Variants in ZBTB8B observed in about 807,000 individuals in gnomAD.
ZBTB8B encodes the protein zinc finger and BTB domain-containing protein 8B.
A neutral mutation model predicts 30.3 loss-of-function variants in ZBTB8B; 17 were observed. The observed-to-expected ratio is 0.56, with a 90% CI of 0.38 to 0.84. ZBTB8B has a LOEUF of 0.84. Ranked by LOEUF, ZBTB8B falls within the 40% of genes least tolerant of loss-of-function variation. ZBTB8B has a pLI of 0.00. For synonymous variants in ZBTB8B, 248 were observed against 255.6 expected (o/e 0.97, Z 0.28); for missense variants, 515 against 644.9 (o/e 0.80, Z 2.18).
At chr1:32,481,761 C>T (rs1275294035) in intron 3 of ZBTB8B, among the ~76,000 whole-genome samples, 1 of 152,142 alleles carries the variant, frequency 6.6e-6, no homozygotes, top group East Asian at 1.9e-4. Flanking sequence ...CCTCTCCCAC[C>T]TCCCACCCTC....
chr1:32,495,564 C>G lies in ZBTB8B; in HGVS notation c.*10146C>G, dbSNP rs1013700743. ...AAGTTTAGAATAGGAGTGGCCTCAA[C>G]AAAGGAAAAAGTCCTTTGTTCCTCT... On this transcript the variant is annotated 3_prime_UTR_variant, in exon 4 of 4. Coordinates refer to ENST00000609129, the MANE Select transcript of ZBTB8B (RefSeq NM_001145720.2). 1 of 151,250 alleles carries G rather than the reference C, an allele frequency of 6.6e-6. No homozygotes were observed. The highest frequency in any genetic ancestry group is 2.5e-5 in the African/African-American group (1 of 40,618). 9.4% of individuals were successfully genotyped at this position (151,250 alleles called of 1,614,324 possible).
At chr1:32,483,954 C>G (rs1267753702) in intron 3 of ZBTB8B, among the ~76,000 whole-genome samples, 1 of 151,932 alleles carries the variant, frequency 6.6e-6, no homozygotes, top group East Asian at 1.9e-4. Flanking sequence ...CTTGAAATCT[C>G]AACACCTTAC....
rs1643773110 is a variant in ZBTB8B, at chr1:32,490,653, A to C, written c.*5235A>C. 2 of 152,070 alleles carry C rather than the reference A, an allele frequency of 1.3e-5. No individual in the cohort carries two copies. Among genetic ancestry groups the C allele is most frequent in the African/African-American group, 4.8e-5 (2 of 41,380 alleles). 9.4% of individuals were successfully genotyped at this position (152,070 alleles called of 1,614,324 possible). ...TGCCCAGGCTGGAGTGCAGTGGCAC[A>C]ATCTCGGCTCACTGCAAGCTCCGCC... On this transcript the variant is annotated 3_prime_UTR_variant, in exon 4 of 4. Coordinates refer to ENST00000609129, the MANE Select transcript of ZBTB8B (RefSeq NM_001145720.2).
chr1:32,468,590 A>G (rs1446331119), intron 1 of ZBTB8B, among the ~76,000 whole-genome samples: 1 of 152,194 alleles, frequency 6.6e-6, no homozygotes, highest in Non-Finnish European at 1.5e-5. Flanking sequence ...TGGGGAATGC[A>G]TGCTGGCTAG....
chr1:32,468,620 C>T (rs1031158747), intron 1 of ZBTB8B, among the ~76,000 whole-genome samples: 1 of 152,096 alleles, frequency 6.6e-6, no homozygotes, highest in African/African-American at 2.4e-5. Context: ...CCACCAAATA[C>T]TTCAGTATAA....
chr1:32,469,618 G>A (rs1041987904), intron 1 of ZBTB8B, among the ~76,000 whole-genome samples: 2 of 152,140 alleles, frequency 1.3e-5, no homozygotes, highest in African/African-American at 4.8e-5. Flanking sequence ...GTAGAATGTA[G>A]TACATTAGAG....
intron 3 of ZBTB8B, among the ~76,000 whole-genome samples, chr1:32,483,926 C>T (rs1643725846): frequency 6.6e-6 from 1 of 151,572 alleles, no homozygotes; most frequent in South Asian, 2.1e-4. Context: ...AAATCCTGGC[C>T]AACTATGGTG....
rs1462066105 is a variant in ZBTB8B at position 32,471,540 on chromosome 1, G to A, written c.916G>A (p.Gly306Arg). ...ADHHFSRSLEGRPEGAGVAMS... is the reference protein window; with the variant it reads ...ADHHFSRSLERRPEGAGVAMS... The stretch of plus-strand genomic sequence containing the variant: ...CCATCACTTTTCTAGGAGTTTGGAA[G>A]GAAGACCAGAAGGTGCAGGAGTAGC... The change falls in exon 2 of 4, where the codon GGA becomes AGA. Residue 306 changes from glycine to arginine, a missense_variant. By Grantham distance (125) the Gly-to-Arg change is moderately radical. Around this residue, in one of 3 missense-constraint regions of ZBTB8B, gnomAD observed 429 missense variants for 504.3 expected, o/e 0.85. Coordinates refer to ENST00000609129, the MANE Select transcript of ZBTB8B (RefSeq NM_001145720.2). 1 of 1,551,796 alleles carries A rather than the reference G, an allele frequency of 6.4e-7. No individual in the cohort carries two copies. Among genetic ancestry groups the A allele is most frequent in the East Asian group, 2.4e-5 (1 of 40,922 alleles).
intron 3 of ZBTB8B, among the ~76,000 whole-genome samples, chr1:32,483,244 C>A (rs942102712): frequency 0.39 from 22,109 of 56,332 alleles, 7,677 homozygotes; most frequent in East Asian, 0.53. Flanking sequence ...ACTAAAAATC[C>A]AAAAAAAAAA....
rs1018972342 is a variant in ZBTB8B, at chr1:32,487,775, T to G, written c.*2357T>G. The G allele has an allele frequency of 6.6e-6, 1 of 151,284 alleles. No homozygotes were observed. The highest frequency in any genetic ancestry group is 2.4e-5 in the African/African-American group (1 of 41,116). The allele number at this position is 151,284 out of a possible 1,614,324, so 9.4% of individuals were successfully genotyped here. A position where few individuals can be genotyped will look rare whatever the true frequency, so the allele number is the denominator to read the frequency against. On this transcript the variant is annotated 3_prime_UTR_variant, in exon 4 of 4. Transcript: ENST00000609129. ...GAGGAACACTTGAGCCTGGAAAAGG[T>G]TGCAGTGAGCTGGAATCGTGCCACT...
chr1:32,475,676 T>C (rs1040612853), intron 2 of ZBTB8B, among the ~76,000 whole-genome samples: 16 of 152,096 alleles, frequency 1.1e-4, no homozygotes, highest in Non-Finnish European at 1.5e-4. Context: ...TATGAGTTCA[T>C]GGTAGTCCAG....
rs57001984 is a variant in ZBTB8B, at chr1:32,474,343, C to CAAAA, written c.991+2764_991+2767dup. 2.7e-3 allele frequency among the ~76,000 whole-genome samples: 107 copies of CAAAA among 39,166 alleles called. 6 individuals carry two copies. The highest frequency in any genetic ancestry group is 4.1e-3 in the East Asian group (4 of 970). 25.7% of individuals were successfully genotyped at this position (39,166 alleles called of 152,430 possible). On this transcript the variant is annotated intron_variant, in intron 2 of 3. Coordinates refer to ENST00000609129, the MANE Select transcript of ZBTB8B (RefSeq NM_001145720.2). Reference sequence around the variant, plus strand: ...GCAAGATGGCAAAACCCCATCTCTACAAAAAAAAAAAAAAAAAAAAAAAAA... The same window carrying CAAAA: ...GCAAGATGGCAAAACCCCATCTCTACAAAAAAAAAAAAAAAAAAAAAAAAAAAAA...
rs758703983 is a variant in ZBTB8B, at chr1:32,471,050, G to GGCGGCGGCTGCA, written c.435_446dup (p.Ala150_Ala153dup). The GGCGGCGGCTGCA allele has an allele frequency of 5.3e-4, 822 of 1,549,736 alleles. No individual in the cohort carries two copies. Among genetic ancestry groups the GGCGGCGGCTGCA allele is most frequent in the Non-Finnish European group, 6.2e-4 (708 of 1,146,154 alleles). ...TGGCTGCAGCAGTGGCGGCGGCAGC[G>GGCGGCGGCTGCA]GCGGCGGCTGCAGCGGCGGCAGCAG... On this transcript the variant is annotated inframe_insertion, in exon 2 of 4. Coordinates refer to ENST00000609129, the MANE Select transcript of ZBTB8B (RefSeq NM_001145720.2).
chr1:32,467,643 C>CA (rs1180906703), intron 1 of ZBTB8B, among the ~76,000 whole-genome samples: 1 of 152,026 alleles, frequency 6.6e-6, no homozygotes, highest in African/African-American at 2.4e-5. Context: ...CTATTTTGTC[C>CA]AAAGCACTCT....
chr1:32,466,892 T>A (rs944300919), intron 1 of ZBTB8B, among the ~76,000 whole-genome samples: 2 of 152,018 alleles, frequency 1.3e-5, no homozygotes, highest in Admixed American at 1.3e-4. Flanking sequence ...TTTTTCTTAG[T>A]TAACAAAGAA....
Position 32,485,881 on chromosome 1 carries a change from T to C in ZBTB8B, c.*463T>C, listed in dbSNP as rs1011091167. 23 of 166,934 alleles carry C rather than the reference T, an allele frequency of 1.4e-4. No homozygotes were observed. Among genetic ancestry groups the C allele is most frequent in the Admixed American group, 1.2e-3 (22 of 17,818 alleles). 10.3% of individuals were successfully genotyped at this position (166,934 alleles called of 1,614,324 possible). A position where few individuals can be genotyped will look rare whatever the true frequency, so the allele number is the denominator to read the frequency against. Reference sequence around the variant, plus strand: ...CCACATTAAATTTTCTGGCAAAGTATTAAAGAGAAACCTTCATTGATATAA... The same window carrying C: ...CCACATTAAATTTTCTGGCAAAGTACTAAAGAGAAACCTTCATTGATATAA... On this transcript the variant is annotated 3_prime_UTR_variant, in exon 4 of 4. Coordinates refer to ENST00000609129, the MANE Select transcript of ZBTB8B (RefSeq NM_001145720.2).
At chr1:32,478,296 G>A (rs188030377) in intron 2 of ZBTB8B, among the ~76,000 whole-genome samples, 1 of 152,088 alleles carries the variant, frequency 6.6e-6, no homozygotes, top group East Asian at 1.9e-4. Flanking sequence ...TGGATCACTT[G>A]AGGTCAGGAG....
intron 2 of ZBTB8B, among the ~76,000 whole-genome samples, chr1:32,480,256 C>T (rs1371865083): frequency 6.8e-6 from 1 of 146,966 alleles, no homozygotes; most frequent in Non-Finnish European, 1.5e-5. Context: ...CATAGCCTTT[C>T]CTCTGTGTGT....
rs758803590 is a variant in ZBTB8B, at chr1:32,471,474, C to T, written c.850C>T (p.Leu284Phe). Reference protein sequence around the residue: ...NYHVKQFLEALLRNSAAPSKD... With the variant: ...NYHVKQFLEAFLRNSAAPSKD... ...CCACGTGAAGCAGTTCCTGGAGGCG[C>T]TCTTGCGCAACAGCGCTGCCCCGAG... The change falls in exon 2 of 4, where the codon CTC becomes TTC. Residue 284 changes from leucine (L) to phenylalanine (F), a missense_variant. Leu to Phe is a conservative substitution (Grantham distance 22, BLOSUM62 0). This residue lies in a region of ZBTB8B where 429 missense variants were observed against 504.3 expected (regional missense o/e 0.85). Transcript: ENST00000609129. 8.4e-6 allele frequency: 13 copies of T among 1,551,840 alleles called. No homozygotes were observed. The South Asian group carries it at 1.5e-4, about 18-fold the overall frequency.
Sources: allele counts gnomAD v4.1 joint callset (sites outside exome capture counted in the v4.1 genomes callset), GRCh38; gene constraint gnomAD v4.1.1; regional missense constraint gnomAD v4.1.1; transcripts MANE v1.5; gene names NCBI Gene and HGNC (gene_info 2026-07-23, HGNC 2026-07-21).